PHACTR1: variants seen among roughly 807,000 people sequenced by gnomAD.
The protein encoded by PHACTR1 is RPEL repeat containing 1.
Under a neutral mutation model 69.2 loss-of-function variants are expected in PHACTR1, and 16 were observed. The observed-to-expected ratio is 0.23, with a 90% CI of 0.16 to 0.35. The LOEUF is 0.35. PHACTR1 is among the 10% of genes least tolerant of loss of function. PHACTR1 has a pLI of 1.00. For missense variants in PHACTR1, 510 were observed against 734.7 expected, an observed-to-expected ratio of 0.69 and a Z score of 3.54; for synonymous variants, 312 against 284.5, an observed-to-expected ratio of 1.10 and a Z score of -0.97.
At chr6:13,227,349 ATC>A (rs1312470707) in intron 8 of PHACTR1, among the ~76,000 whole-genome samples, 1 of 152,128 alleles carries the variant, frequency 6.6e-6, no homozygotes, top group African/African-American at 2.4e-5. Flanking sequence ...CTCAATTATT[ATC>A]TTTCTCTCCT....
At chr6:12,854,571 A>G (rs1780156603) in intron 4 of PHACTR1, among the ~76,000 whole-genome samples, 1 of 152,202 alleles carries the variant, frequency 6.6e-6, no homozygotes, top group African/African-American at 2.4e-5. Flanking sequence ...GCTTCTACAC[A>G]GCCAAAGAAA....
At chr6:12,980,706 T>C (rs1161009043) in intron 4 of PHACTR1, among the ~76,000 whole-genome samples, 1 of 152,106 alleles carries the variant, frequency 6.6e-6, no homozygotes, top group Non-Finnish European at 1.5e-5. Context: ...ATGTCCTAAG[T>C]CTTAGATAAC....
At chr6:13,116,447 A>G (rs549649670) in intron 5 of PHACTR1, among the ~76,000 whole-genome samples, 3 of 152,348 alleles carry the variant, frequency 2.0e-5, no homozygotes, top group South Asian at 2.1e-4. Context: ...TTTGTTGAGC[A>G]CTTACCATTC....
chr6:12,988,543 A>G (rs1796452537), intron 4 of PHACTR1, among the ~76,000 whole-genome samples: 1 of 152,258 alleles, frequency 6.6e-6, no homozygotes, highest in Admixed American at 6.5e-5. Context: ...AAAACCACCA[A>G]GATGCAAAAG....
intron 4 of PHACTR1, among the ~76,000 whole-genome samples, chr6:12,958,188 G>T (rs939908376): frequency 2.0e-5 from 3 of 152,230 alleles, no homozygotes; most frequent in African/African-American, 7.2e-5. Flanking sequence ...CTCGGGCCGG[G>T]TTCATAGGAT....
At chr6:12,824,819 T>C (rs1349005433) in intron 4 of PHACTR1, among the ~76,000 whole-genome samples, 2 of 152,282 alleles carry the variant, frequency 1.3e-5, no homozygotes, top group Non-Finnish European at 1.5e-5. Context: ...ATACAGAGTG[T>C]AGTGGTGAAC....
chr6:13,058,084 A>T (rs1807076443), intron 5 of PHACTR1, among the ~76,000 whole-genome samples: 1 of 152,178 alleles, frequency 6.6e-6, no homozygotes, highest in African/African-American at 2.4e-5. Context: ...TGAGCCTGAT[A>T]CATTCAGCTT....
chr6:12,967,972 A>T (rs1399872848), intron 4 of PHACTR1, among the ~76,000 whole-genome samples: 1 of 152,192 alleles, frequency 6.6e-6, no homozygotes, highest in African/African-American at 2.4e-5. Flanking sequence ...GAGGCTCTGG[A>T]TTTGGTTGTC....
At chr6:12,788,236 C>T (rs1408020041) in intron 4 of PHACTR1, among the ~76,000 whole-genome samples, 1 of 134,564 alleles carries the variant, frequency 7.4e-6, no homozygotes, top group African/African-American at 3.0e-5. Flanking sequence ...AAGTTCCCTA[C>T]CTCATCAGCT....
chr6:13,129,924 A>G (rs556031853), intron 5 of PHACTR1, among the ~76,000 whole-genome samples: 373 of 152,280 alleles, frequency 2.4e-3, no homozygotes, highest in African/African-American at 8.7e-3. Flanking sequence ...GTCTCAATAA[A>G]TTTAAGAAAA....
chr6:12,867,594 A>C (rs751388432), intron 4 of PHACTR1, among the ~76,000 whole-genome samples: 2 of 152,244 alleles, frequency 1.3e-5, no homozygotes, highest in Non-Finnish European at 2.9e-5. Flanking sequence ...TGGAGGAATT[A>C]GAATTTTAAC....
intron 12 of PHACTR1, chr6:13,279,359 G>A (rs913251527): frequency 7.9e-5 from 12 of 152,272 alleles, no homozygotes; most frequent in Middle Eastern, 6.8e-3. Flanking sequence ...TCTGTCTGAC[G>A]AAGTCAAAGT....
chr6:12,929,867 C>A (rs1246667287), intron 4 of PHACTR1, among the ~76,000 whole-genome samples: 1 of 152,220 alleles, frequency 6.6e-6, no homozygotes, highest in Non-Finnish European at 1.5e-5. Flanking sequence ...CATGGCACTT[C>A]CTGCTTGCGT....
At chr6:13,015,836 T>C (rs1261070838) in intron 4 of PHACTR1, among the ~76,000 whole-genome samples, 3 of 152,194 alleles carry the variant, frequency 2.0e-5, no homozygotes, top group African/African-American at 4.8e-5. Context: ...CAAAAAGCTA[T>C]GTATGGATGC....
intron 4 of PHACTR1, among the ~76,000 whole-genome samples, chr6:12,922,569 A>G (rs1787838742): frequency 6.6e-6 from 1 of 152,006 alleles, no homozygotes; most frequent in Non-Finnish European, 1.5e-5. Context: ...ACATCCATAA[A>G]CATGGAGATG....
intron 10 of PHACTR1, among the ~76,000 whole-genome samples, chr6:13,266,286 G>C (rs1431729902): frequency 6.6e-6 from 1 of 152,004 alleles, no homozygotes; most frequent in Admixed American, 6.6e-5. Context: ...TTTCTTACCA[G>C]GTGTGCCAAG....
At chr6:13,000,878 G>A (rs749417518) in intron 4 of PHACTR1, among the ~76,000 whole-genome samples, 27 of 152,166 alleles carry the variant, frequency 1.8e-4, no homozygotes, top group Non-Finnish European at 2.8e-4. Flanking sequence ...TAATCTTCCA[G>A]TTGCAATTTA....
At chr6:13,000,508 A>G (rs1797940821) in intron 4 of PHACTR1, among the ~76,000 whole-genome samples, 1 of 151,990 alleles carries the variant, frequency 6.6e-6, no homozygotes, top group South Asian at 2.1e-4. Context: ...TGATTGCACC[A>G]CTGCACTCCA....
chr6:13,009,860 GCCACCACCACCACCACCA>G (rs142689950), intron 4 of PHACTR1, among the ~76,000 whole-genome samples: 3 of 145,482 alleles, frequency 2.1e-5, no homozygotes, highest in Admixed American at 6.8e-5. Flanking sequence ...TCCCTACACT[GCCACCACCACCACCACCA>G]CCACCACCAC....
Sources: gnomAD v4.1 joint callset for allele counts (sites outside exome capture counted in the v4.1 genomes callset) on GRCh38, gnomAD v4.1.1 for gene constraint, MANE v1.5 for transcripts, NCBI Gene and HGNC (gene_info 2026-07-23, HGNC 2026-07-21) for gene names.